The following B3GAT1 variants were observed in gnomAD, a reference collection of about 807,000 sequenced individuals.
The protein encoded by B3GAT1 is galactosylgalactosylxylosylprotein 3-beta-glucuronosyltransferase 1.
In B3GAT1, 11 loss-of-function variants were observed where a neutral mutation model predicts 28.4. That is an observed-to-expected ratio of 0.39 (90% CI 0.24 to 0.64). The LOEUF (loss-of-function observed/expected upper bound fraction) is 0.64, where lower values mean the gene tolerates loss of function less well. B3GAT1 is among the 30% of genes least tolerant of loss of function. The probability of loss-of-function intolerance (pLI) is 0.50; values close to 1 mark genes in which losing one functional copy is unlikely to be tolerated. For synonymous variants in B3GAT1, 255 were observed against 223.1 expected, an observed-to-expected ratio of 1.14 and a Z score of -1.27; for missense variants, 375 against 491.0, an observed-to-expected ratio of 0.76 and a Z score of 2.23.
intron 4 of B3GAT1, among the ~76,000 whole-genome samples, chr11:134,382,411 G>GTGTGTGCATCTGCA (rs1944153539): frequency 3.9e-5 from 1 of 25,466 alleles, no homozygotes; most frequent in Non-Finnish European, 1.4e-4. Flanking sequence ...GCATCTGCAT[G>GTGTGTGCATCTGCA]TGTGTGTGCG....
chr11:134,408,047 A>G (rs1387756778), intron 1 of B3GAT1, among the ~76,000 whole-genome samples: 1 of 152,178 alleles, frequency 6.6e-6, no homozygotes, highest in East Asian at 1.9e-4. Context: ...CGAAAGTATT[A>G]TTTTGTGTTT....
rs777681021 is a variant in B3GAT1, at chr11:134,393,513, T to G, written c.-281-5573A>C. ...AGGAGCACTTGGTGAGCAGTCTGAG[T>G]GTAGCACCCTTTAGAATATGACTTT... On this transcript the variant is annotated intron_variant, in intron 1 of 5. Transcript: ENST00000312527. The surrounding 1 kb of genome is among the most constrained non-coding windows in gnomAD (Gnocchi z 4.0). 2.6e-5 allele frequency among the ~76,000 whole-genome samples: 4 copies of G among 152,218 alleles called. No individual in the cohort carries two copies. The highest frequency in any genetic ancestry group is 4.4e-5 in the Non-Finnish European group (3 of 68,034).
At chr11:134,398,581 T>A (rs1240074833) in intron 1 of B3GAT1, among the ~76,000 whole-genome samples, 1 of 152,196 alleles carries the variant, frequency 6.6e-6, no homozygotes, top group Admixed American at 6.5e-5. Context: ...AACTGAGGCA[T>A]GAGGGGGTTG....
intron 1 of B3GAT1, among the ~76,000 whole-genome samples, chr11:134,399,968 G>A (rs1460115811): frequency 6.6e-6 from 1 of 152,188 alleles, no homozygotes; most frequent in Non-Finnish European, 1.5e-5. Flanking sequence ...GCAAGGTGGG[G>A]ACATCCCAGA....
In B3GAT1 at chr11:134,398,367, A is replaced by G. The variant is rs569078718; in HGVS notation, c.-281-10427T>C. On this transcript the variant is annotated intron_variant, in intron 1 of 5. Coordinates refer to ENST00000312527, the MANE Select transcript of B3GAT1 (RefSeq NM_054025.3). ...ACCCAGTGGCTTCGGATCCTGGAACATAGATGGGGTGAGGCCAAGAGGCCA... is the reference window on the plus strand; with the variant it reads ...ACCCAGTGGCTTCGGATCCTGGAACGTAGATGGGGTGAGGCCAAGAGGCCA... Among the ~76,000 whole-genome samples, 405 of 152,274 alleles carry G rather than the reference A, an allele frequency of 2.7e-3. 5 individuals carry two copies. The highest frequency in any genetic ancestry group is 8.8e-3 in the African/African-American group (364 of 41,562).
chr11:134,389,984 T>C (rs974583060), intron 1 of B3GAT1: 1 of 152,232 alleles, frequency 6.6e-6, no homozygotes, highest in Non-Finnish European at 1.5e-5. Flanking sequence ...CGGCATCCCC[T>C]GCCCACACCC....
intron 1 of B3GAT1, chr11:134,388,370 G>A (rs1944341900): frequency 6.2e-6 from 1 of 161,512 alleles, no homozygotes; most frequent in African/African-American, 2.4e-5. Context: ...TAAAATGCCA[G>A]CTACTTATCA....
chr11:134,400,061 C>T (rs1028270948), intron 1 of B3GAT1, among the ~76,000 whole-genome samples: 2 of 152,150 alleles, frequency 1.3e-5, no homozygotes, highest in African/African-American at 2.4e-5. Flanking sequence ...TCCCTTGGCG[C>T]TGTTGTCTCT....
intron 1 of B3GAT1, among the ~76,000 whole-genome samples, chr11:134,392,721 TA>T (rs1225418518): frequency 6.6e-6 from 1 of 152,032 alleles, no homozygotes; most frequent in Non-Finnish European, 1.5e-5. Context: ...GAATAAGGAC[TA>T]GGGGGTGTCT....
intron 4 of B3GAT1, 135 bp downstream of exon 4, chr11:134,382,575 A>C: frequency 9.1e-7 from 1 of 1,095,366 alleles, no homozygotes; most frequent in South Asian, 1.6e-5. Context: ...CAGGTGATAC[A>C]CTGCCTTCCT....
chr11:134,382,283 AAG>A (rs1433663091), intron 4 of B3GAT1, among the ~76,000 whole-genome samples: 5 of 150,578 alleles, frequency 3.3e-5, no homozygotes, highest in African/African-American at 7.3e-5. Context: ...AACTACAGAA[AAG>A]AGAAGCCCCA....
intron 2 of B3GAT1, 190 bp from the exon 3 acceptor site, chr11:134,384,378 G>T: frequency 1.4e-6 from 1 of 722,286 alleles, no homozygotes; most frequent in Non-Finnish European, 2.2e-6. Flanking sequence ...TCTCTGGGAG[G>T]GTCCTAGCTC....
Position 134,393,384 on chromosome 11 carries a change from C to T in B3GAT1, c.-281-5444G>A, listed in dbSNP as rs942396977. ...GCTGGCTCTCAGCACTTCCGCTCAG[C>T]CGACACGGGGTCAGGGAGGTCTGTG... On this transcript the variant is annotated intron_variant, in intron 1 of 5. Coordinates refer to ENST00000312527, the MANE Select transcript of B3GAT1 (RefSeq NM_054025.3). The surrounding 1 kb of genome is among the most constrained non-coding windows in gnomAD (Gnocchi z 4.0). Among the ~76,000 whole-genome samples the T allele has an allele frequency of 3.3e-5, 5 of 152,200 alleles. No homozygotes were observed. Among genetic ancestry groups the T allele is most frequent in the Admixed American group, 3.3e-4 (5 of 15,286 alleles).
At chr11:134,387,194 C>A in intron 2 of B3GAT1, 1 of 268,996 alleles carries the variant, frequency 3.7e-6, no homozygotes, top group South Asian at 6.6e-5. Flanking sequence ...CTAAAGACTC[C>A]CACTCCCTCC....
chr11:134,384,978 C>G (rs1245214475), intron 2 of B3GAT1: 1 of 152,204 alleles, frequency 6.6e-6, no homozygotes, highest in Non-Finnish European at 1.5e-5. Context: ...CCTGTCCTAG[C>G]TTACCGTCGG....
At chr11:134,380,987 G>A (rs1368915052) in intron 5 of B3GAT1, among the ~76,000 whole-genome samples, 1 of 152,186 alleles carries the variant, frequency 6.6e-6, no homozygotes, top group Non-Finnish European at 1.5e-5. Context: ...GTGACACCCT[G>A]TGGTCCTCTG....
intron 5 of B3GAT1, 113 bp downstream of exon 5, chr11:134,381,811 A>G (rs1362912255): frequency 2.4e-6 from 2 of 848,090 alleles, no homozygotes; most frequent in African/African-American, 1.7e-5. Context: ...TCCTGCCCAC[A>G]TCTGCCCTGT....
chr11:134,412,091 G>GGCGGGGGGCGGGGAGGGGGA lies in B3GAT1; in HGVS notation c.-586_-567dup. ...GGAGGGCGCGGGCAGGGAGGCGGGGGGCGGGGGGCGGGGAGGGGGAGCGGG... is the reference window on the plus strand; with the variant it reads ...GGAGGGCGCGGGCAGGGAGGCGGGGGGCGGGGGGCGGGGAGGGGGAGCGGGGGGCGGGGAGGGGGAGCGGG... On this transcript the variant is annotated 5_prime_UTR_variant, in exon 1 of 6. Transcript: ENST00000312527. 1.5e-5 allele frequency among the ~76,000 whole-genome samples: 1 copy of GGCGGGGGGCGGGGAGGGGGA among 66,618 alleles called. No individual in the cohort carries two copies. The highest frequency in any genetic ancestry group is 6.2e-4 in the South Asian group (1 of 1,618). The allele number at this position is 66,618 out of a possible 152,430, so 43.7% of individuals were successfully genotyped here.
chr11:134,384,230 G>A, intron 2 of B3GAT1, 42 bp from the exon 3 acceptor site: 1 of 1,510,228 alleles, frequency 6.6e-7, no homozygotes. Flanking sequence ...GAGAGCGCCG[G>A]CTACGGCCCT....
Sources: gnomAD v4.1 joint callset for allele counts (sites outside exome capture counted in the v4.1 genomes callset) on GRCh38, gnomAD v4.1.1 for gene constraint, Gnocchi (gnomAD v3.1) non-coding constraint, MANE v1.5 for transcripts, NCBI Gene and HGNC (gene_info 2026-07-23, HGNC 2026-07-21) for gene names.